The following UBE3B variants were observed in gnomAD, a reference collection of about 807,000 sequenced individuals.
UBE3B encodes ubiquitin protein ligase E3B, also known as ubiquitin-protein ligase E3B.
UBE3B carries 80 observed loss-of-function variants against 132.3 expected under a neutral mutation model. The observed-to-expected ratio is 0.60, with a 90% CI of 0.50 to 0.73. UBE3B has a LOEUF of 0.73. Among genes scored for constraint, UBE3B ranks in the 30% least tolerant of loss-of-function variants. UBE3B has a pLI of 0.00. For synonymous variants in UBE3B, 487 were observed against 520.4 expected, an observed-to-expected ratio of 0.94 and a Z score of 0.87; for missense variants, 1,196 against 1,362.5, an observed-to-expected ratio of 0.88 and a Z score of 1.92.
At chr12:109,531,917 A>C (rs1882977053) in intron 26 of UBE3B, among the ~76,000 whole-genome samples, 1 of 152,070 alleles carries the variant, frequency 6.6e-6, no homozygotes, top group Non-Finnish European at 1.5e-5. Flanking sequence ...ATAACCTGTC[A>C]CCAAACCTAC....
At chr12:109,537,332 C>T (rs1017659995), downstream of UBE3B, among the ~76,000 whole-genome samples, 5 of 152,222 alleles carry the variant, frequency 3.3e-5, no homozygotes, top group African/African-American at 7.2e-5. Context: ...TTCCTCCGCA[C>T]CAGGAGCCCA....
At chr12:109,520,982 C>A in intron 19 of UBE3B, 166 bp from the exon 20 acceptor site, 1 of 691,378 alleles carries the variant, frequency 1.4e-6, no homozygotes, top group Non-Finnish European at 2.4e-6. Flanking sequence ...TTTTAATCAG[C>A]ACTCATTCAA....
chr12:109,490,899 A>G, intron 8 of UBE3B, 146 bp from the exon 9 acceptor site: 1 of 1,068,454 alleles, frequency 9.4e-7, no homozygotes, highest in Non-Finnish European at 1.3e-6. Context: ...CAGCCTCCTG[A>G]GCTGGGACTG....
downstream of UBE3B, among the ~76,000 whole-genome samples, chr12:109,540,915 G>A (rs764853776): frequency 9.2e-5 from 14 of 152,246 alleles, no homozygotes; most frequent in East Asian, 5.8e-4. Flanking sequence ...GTATGAGAGC[G>A]GCTCTGGGAC....
intron 14 of UBE3B, among the ~76,000 whole-genome samples, chr12:109,507,281 G>A (rs187786524): frequency 2.0e-5 from 3 of 152,306 alleles, no homozygotes; most frequent in East Asian, 3.9e-4. Context: ...GTTTCCTCCT[G>A]TATAAGATGG....
intron 8 of UBE3B, 80 bp downstream of exon 8, chr12:109,490,084 A>T: frequency 2.9e-6 from 4 of 1,369,772 alleles, no homozygotes; most frequent in Non-Finnish European, 4.2e-6. Flanking sequence ...TGCATTCAGC[A>T]TACCTGGTGT....
At position 109,522,785 on chromosome 12, in the gene UBE3B, G is replaced by C. The variant is rs1383309318; in HGVS notation, c.2365-1193G>C. ...GCCCAAACACCATCCAGTCTTCCTT[G>C]TGCCCTCCAGTGATTTGGGTCCTGG... On this transcript the variant is annotated intron_variant, in intron 21 of 27. Transcript: ENST00000342494. The surrounding 1 kb of genome is among the most constrained non-coding windows in gnomAD (Gnocchi z 4.2). Among the ~76,000 whole-genome samples, 1 of 152,174 alleles carries C rather than the reference G, an allele frequency of 6.6e-6. No individual in the cohort carries two copies. Among genetic ancestry groups the C allele is most frequent in the Non-Finnish European group, 1.5e-5 (1 of 68,026 alleles).
At chr12:109,524,592 C>A (rs1882101294) in intron 23 of UBE3B, 89 bp downstream of exon 23, 1 of 1,446,584 alleles carries the variant, frequency 6.9e-7, no homozygotes, top group East Asian at 2.3e-5. Flanking sequence ...CAGAAAGAGC[C>A]CCAAGCTGAG....
chr12:109,539,830 C>T (rs1383977675), downstream of UBE3B, among the ~76,000 whole-genome samples: 1 of 152,134 alleles, frequency 6.6e-6, no homozygotes, highest in African/African-American at 2.4e-5. Flanking sequence ...CAGCTATTCC[C>T]GAGCTTCCAT....
chr12:109,509,510 G>A (rs1212546184), intron 15 of UBE3B, 86 bp from the exon 16 acceptor site: 5 of 765,862 alleles, frequency 6.5e-6, no homozygotes, highest in African/African-American at 3.5e-5. Flanking sequence ...TCTCAACCTC[G>A]TTTATTGTCT....
Position 109,487,838 on chromosome 12 carries a change from C to T in UBE3B, c.448-734C>T, listed in dbSNP as rs532241013. ...GCCTTGAACAAGCTGCTTCCCCTCT[C>T]TTACTGTCGATGAGCTTTGAGGTTT... On this transcript the variant is annotated intron_variant, in intron 6 of 27. Transcript: ENST00000342494. 3.3e-5 allele frequency among the ~76,000 whole-genome samples: 5 copies of T among 152,320 alleles called. No homozygotes were observed. The East Asian group carries it at 5.8e-4, about 18-fold the overall frequency.
chr12:109,516,959 T>C, intron 19 of UBE3B, 75 bp downstream of exon 19: 1 of 1,562,474 alleles, frequency 6.4e-7, no homozygotes, highest in Non-Finnish European at 8.7e-7. Flanking sequence ...GTGGACGGTC[T>C]CTGGCTTTTG....
At chr12:109,531,701 T>C (rs1439501123) in intron 26 of UBE3B, among the ~76,000 whole-genome samples, 2 of 152,076 alleles carry the variant, frequency 1.3e-5, no homozygotes, top group Non-Finnish European at 2.9e-5. Flanking sequence ...CCCACAGGTC[T>C]CCGGGGATTT....
chr12:109,499,656 C>G lies in UBE3B; in HGVS notation c.964C>G (p.Leu322Val), dbSNP rs1379780518. 6.2e-7 allele frequency: 1 copy of G among 1,603,244 alleles called. No homozygotes were observed. The highest frequency in any genetic ancestry group is 1.7e-5 in the Admixed American group (1 of 59,082). Residue 322 changes from leucine (L) to valine (V), a missense_variant, in exon 12 of 28, where the codon CTC becomes GTC. Leu to Val is a conservative substitution (Grantham distance 32). Coordinates refer to ENST00000342494, the MANE Select transcript of UBE3B (RefSeq NM_130466.4). ...AGGCAACCTCCTACACTTGGGCTCCCTCAGCCCCAGAGTGTTAGAGGAGGA... is the reference window on the plus strand; with the variant it reads ...AGGCAACCTCCTACACTTGGGCTCCGTCAGCCCCAGAGTGTTAGAGGAGGA... ...LMGNLLHLGS[L>V]SPRVLEEETD...
chr12:109,500,000 A>G (rs1310947259), intron 12 of UBE3B, among the ~76,000 whole-genome samples, 190 bp downstream of exon 12: 3 of 152,280 alleles, frequency 2.0e-5, no homozygotes, highest in Non-Finnish European at 2.9e-5. Context: ...TAAACCAAAG[A>G]TAACTTGAGT....
intron 19 of UBE3B, chr12:109,520,832 T>C (rs1437751575): frequency 4.1e-6 from 1 of 243,902 alleles, no homozygotes; most frequent in Admixed American, 5.1e-5. Context: ...TTGTCCCGGT[T>C]TCTTTCATCC....
In UBE3B at chr12:109,521,305, C is replaced by T; in HGVS notation, c.2234C>T (p.Pro745Leu). The change falls in exon 20 of 28, where the codon CCA becomes CTA. Residue 745 changes from proline (P) to leucine (L), a missense_variant. By Grantham distance (98) the Pro-to-Leu change is moderately conservative. Transcript: ENST00000342494. This position sits in a 1 kb window ranked among gnomAD's most constrained non-coding sequence, Gnocchi z 4.2. The stretch of plus-strand genomic sequence containing the variant: ...GAGATCATCAAGAGAGTTTTTGACC[C>T]AGCACTCAATCTGTTCAAGGTATTT... ...LEEIIKRVFD[P>L]ALNLFKTTSG... The T allele has an allele frequency of 6.2e-7, 1 of 1,614,158 alleles. No individual in the cohort carries two copies. The highest frequency in any genetic ancestry group is 1.1e-5 in the South Asian group (1 of 91,076).
At chr12:109,520,617 C>T (rs550185288) in intron 19 of UBE3B, 1 of 152,694 alleles carries the variant, frequency 6.5e-6, no homozygotes, top group East Asian at 1.9e-4. Flanking sequence ...TTCTGCAGCT[C>T]CCATTACCTT....
In UBE3B at chr12:109,501,291, G is replaced by A. The variant is rs144569255; in HGVS notation, c.1119-80G>A. 6,516 of 1,551,228 alleles carry A rather than the reference G, an allele frequency of 4.2e-3. 18 individuals are homozygous for A. The highest frequency in any genetic ancestry group is 5.2e-3 in the Non-Finnish European group (5,887 of 1,141,650). On this transcript the variant is annotated intron_variant, in intron 12 of 27. Coordinates refer to ENST00000342494, the MANE Select transcript of UBE3B (RefSeq NM_130466.4). ...TCCTAGCTACAGCTCCGAGTGGAAGGCCATTAGGAACTGTGTGGGCTGGCC... is the reference window on the plus strand; with the variant it reads ...TCCTAGCTACAGCTCCGAGTGGAAGACCATTAGGAACTGTGTGGGCTGGCC...
Sources: allele counts gnomAD v4.1 joint callset (sites outside exome capture counted in the v4.1 genomes callset), GRCh38; gene constraint gnomAD v4.1.1; non-coding constraint Gnocchi (gnomAD v3.1); transcripts MANE v1.5; gene names NCBI Gene and HGNC (gene_info 2026-07-23, HGNC 2026-07-21).